Variants in CELSR3 observed in about 807,000 individuals in gnomAD.
The protein encoded by CELSR3 is EGF-like protein 1.
A neutral mutation model predicts 270.0 loss-of-function variants in CELSR3; 73 were observed. The observed-to-expected ratio is 0.27, with a 90% CI of 0.22 to 0.33. The LOEUF (loss-of-function observed/expected upper bound fraction) is 0.33, where lower values mean the gene tolerates loss of function less well. CELSR3 is among the 10% of genes least tolerant of loss of function. CELSR3 has a pLI of 1.00. For synonymous variants in CELSR3, 1,780 were observed against 1,905.4 expected, an observed-to-expected ratio of 0.93 and a Z score of 1.71; for missense variants, 3,614 against 4,533.8, an observed-to-expected ratio of 0.80 and a Z score of 5.83.
chr3:48,643,722 A>G (rs1467107676), intron 27 of CELSR3, 45 bp from the exon 28 acceptor site: 29 of 1,545,646 alleles, frequency 1.9e-5, no homozygotes, highest in Non-Finnish European at 2.5e-5. Context: ...TGCAAGGCTC[A>G]TGTAGGACTC....
In CELSR3 at chr3:48,661,796, C is replaced by G; in HGVS notation, c.839G>C (p.Gly280Ala). ...EPAPKRMRSR[G>A]LFRCRFLPQR... ...CGGGAGGAAGCGGCAGCGGAAGAGACCCCGGGAGCGCATGCGCTTGGGCGC... is the reference window on the plus strand; with the variant it reads ...CGGGAGGAAGCGGCAGCGGAAGAGAGCCCGGGAGCGCATGCGCTTGGGCGC... Residue 280 changes from glycine to alanine, a missense_variant, in exon 1 of 35, where the codon GGT becomes GCT. Transcript: ENST00000164024. The G allele has an allele frequency of 6.2e-7, 1 of 1,608,016 alleles. No homozygotes were observed. Among genetic ancestry groups the G allele is most frequent in the Non-Finnish European group, 8.5e-7 (1 of 1,178,876 alleles).
Position 48,651,281 on chromosome 3 carries a change from G to T in CELSR3, c.6186+78C>A, listed in dbSNP as rs1439367903. 1.3e-6 allele frequency: 2 copies of T among 1,587,562 alleles called. No individual in the cohort carries two copies. The highest frequency in any genetic ancestry group is 1.7e-6 in the Non-Finnish European group (2 of 1,163,014). ...GGCAAGAGGTTAGGGCCCAAGTCAGGTGGCGGAGGTCAGCAAGCTGGACAG... is the reference window on the plus strand; with the variant it reads ...GGCAAGAGGTTAGGGCCCAAGTCAGTTGGCGGAGGTCAGCAAGCTGGACAG... On this transcript the variant is annotated intron_variant, in intron 14 of 34. Coordinates refer to ENST00000164024, the MANE Select transcript of CELSR3 (RefSeq NM_001407.3). The surrounding 1 kb of genome is among the most constrained non-coding windows in gnomAD (Gnocchi z 7.4).
chr3:48,648,825 C>T lies in CELSR3; in HGVS notation c.6671G>A (p.Ser2224Asn). Residue 2224 changes from serine to asparagine, a missense_variant, in exon 18 of 35, where the codon AGC becomes AAC. Transcript: ENST00000164024. ...EVTGHTDHYF[S>N]QDVRVTARLL... ...GCGGGCAGTGACTCGAACATCTTGG[C>T]TAAAATAGTGGTCAGTGTGGCCAGT... is the stretch of plus-strand genomic sequence containing the variant. 1 of 1,612,960 alleles carries T rather than the reference C, an allele frequency of 6.2e-7. No individual in the cohort carries two copies. The highest frequency in any genetic ancestry group is 8.5e-7 in the Non-Finnish European group (1 of 1,180,006).
At chr3:48,643,904 T>C in intron 27 of CELSR3, 1 of 602,206 alleles carries the variant, frequency 1.7e-6, no homozygotes, top group East Asian at 2.8e-5. Context: ...CACAGGGGTA[T>C]GGGAGCCACA....
chr3:48,662,244 A>G lies in CELSR3; in HGVS notation c.391T>C (p.Ser131Pro). The change falls in exon 1 of 35, where the codon TCT (serine) becomes CCT (proline). Residue 131 changes from serine to proline, a missense_variant. Physicochemically the swap from Ser to Pro is moderately conservative, Grantham distance 74. Around this residue, in one of 7 missense-constraint regions of CELSR3, gnomAD observed 470 missense variants for 469.7 expected, o/e 1.00. Coordinates refer to ENST00000164024, the MANE Select transcript of CELSR3 (RefSeq NM_001407.3). The surrounding 1 kb of genome is among the most constrained non-coding windows in gnomAD (Gnocchi z 7.1). The part of the protein sequence containing the change: ...RERETGQGPG[S>P]VLYWRPEVSS... ...ACCTCTGGGCGCCAGTATAACACAG[A>G]CCCTGGTCCCTGTCCTGTCTCTCGT... 6.2e-7 allele frequency: 1 copy of G among 1,612,852 alleles called. No homozygotes were observed. The highest frequency in any genetic ancestry group is 8.5e-7 in the Non-Finnish European group (1 of 1,179,970).
At position 48,640,007 on chromosome 3, in the gene CELSR3, G is replaced by C. The variant is rs1458707939; in HGVS notation, c.9578C>G (p.Ser3193Cys). 1.9e-6 allele frequency: 3 copies of C among 1,612,230 alleles called. No homozygotes were observed. Among genetic ancestry groups the C allele is most frequent in the Middle Eastern group, 1.6e-4 (1 of 6,080 alleles). Residue 3193 changes from serine to cysteine, a missense_variant, in exon 34 of 35, where the codon TCT becomes TGT. Physicochemically the swap from Ser to Cys is moderately radical, Grantham distance 112 (BLOSUM62 -1). Around this residue, in one of 7 missense-constraint regions of CELSR3, gnomAD observed 1,240 missense variants for 1,351.7 expected, o/e 0.92. Coordinates refer to ENST00000164024, the MANE Select transcript of CELSR3 (RefSeq NM_001407.3). This position sits in a 1 kb window ranked among gnomAD's most constrained non-coding sequence, Gnocchi z 7.5. Reference protein sequence around the residue: ...DPLLPSRPLDSLSRSSNSREQ... With the variant: ...DPLLPSRPLDCLSRSSNSREQ... ...CCGAGAGTTCGAGCTCCTAGACAGA[G>C]AGTCCAGCGGCCGGGATGGCAAGAG... is the stretch of plus-strand genomic sequence containing the variant.
rs577859604 is a variant in CELSR3 at position 48,637,292 on chromosome 3, G to A, written c.*913C>T. 2.8e-4 allele frequency: 43 copies of A among 152,652 alleles called. No homozygotes were observed. Among genetic ancestry groups the A allele is most frequent in the African/African-American group, 1.0e-3 (43 of 41,520 alleles). 9.5% of individuals were successfully genotyped at this position (152,652 alleles called of 1,614,324 possible). On this transcript the variant is annotated 3_prime_UTR_variant, in exon 35 of 35. Transcript: ENST00000164024. The stretch of plus-strand genomic sequence containing the variant: ...AGGAGGCAGTGGCACCTACATTCTG[G>A]GTCTTGAATTCCCTTGTTTCTGCTC...
In CELSR3 at chr3:48,656,746, C is replaced by T. The variant is rs771102669; in HGVS notation, c.4351G>A (p.Ala1451Thr). The T allele has an allele frequency of 3.3e-6, 5 of 1,534,014 alleles. No individual in the cohort carries two copies. The South Asian group carries it at 5.1e-5, about 16-fold the overall frequency. The change falls in exon 2 of 35, where the codon GCG (alanine) becomes ACG (threonine). Residue 1451 changes from alanine (A) to threonine (T), a missense_variant. Ala to Thr is a moderately conservative substitution (Grantham distance 58). This residue lies in a region of CELSR3 where 1,331 missense variants were observed against 1,933.7 expected (regional missense o/e 0.69). Coordinates refer to ENST00000164024, the MANE Select transcript of CELSR3 (RefSeq NM_001407.3). ...CACGTGTAGCCTCCCTCGCGCCGCG[C>T]GCAGGCTCCGCCGTTGCGACATGGG... The part of the protein sequence containing the change: ...SNPCRNGGAC[A>T]RREGGYTCVC...
chr3:48,658,848 T>C lies in CELSR3; in HGVS notation c.3748+39A>G, dbSNP rs771418096. The stretch of plus-strand genomic sequence containing the variant: ...GTGGAGTCCCTGAGGCCCAACAGGT[T>C]GGTGTCACTGGGTCACTTGCCTGCC... On this transcript the variant is annotated intron_variant, in intron 1 of 34. Coordinates refer to ENST00000164024, the MANE Select transcript of CELSR3 (RefSeq NM_001407.3). This position sits in a 1 kb window ranked among gnomAD's most constrained non-coding sequence, Gnocchi z 4.7. 5 of 1,596,752 alleles carry C rather than the reference T, an allele frequency of 3.1e-6. No individual in the cohort carries two copies. The South Asian group carries it at 5.7e-5, about 18-fold the overall frequency.
Position 48,660,161 on chromosome 3 carries a change from C to T in CELSR3, c.2474G>A (p.Arg825His), listed in dbSNP as rs200848196. ...TGCAGTTAGTACCAGCTTGAAGTAGCGTTCCTGCTTGTAGTCCAGTGGCAG... is the reference window on the plus strand; with the variant it reads ...TGCAGTTAGTACCAGCTTGAAGTAGTGTTCCTGCTTGTAGTCCAGTGGCAG... ...LALPLDYKQERYFKLVLTASD... is the reference protein window; with the variant it reads ...LALPLDYKQEHYFKLVLTASD... Residue 825 changes from arginine (R) to histidine (H), a missense_variant, in exon 1 of 35, where the codon CGC (arginine) becomes CAC (histidine). By Grantham distance (29) the Arg-to-His change is conservative. Coordinates refer to ENST00000164024, the MANE Select transcript of CELSR3 (RefSeq NM_001407.3). The surrounding 1 kb of genome is among the most constrained non-coding windows in gnomAD (Gnocchi z 5.5). 1.2e-5 allele frequency: 19 copies of T among 1,614,028 alleles called. No individual in the cohort carries two copies. Among genetic ancestry groups the T allele is most frequent in the Middle Eastern group, 1.6e-4 (1 of 6,084 alleles).
rs1003235620 is a variant in CELSR3, at chr3:48,662,412, C to T, written c.223G>A (p.Gly75Arg). The stretch of plus-strand genomic sequence containing the variant: ...GGCTCCCTGACCCCCAGGCCAGGCC[C>T]CCCATCCTCCCGGACCCCGGAAGAC... ...PESSGVREDG[G>R]PGLGVREPIF... The change falls in exon 1 of 35, where the codon GGG becomes AGG. Residue 75 changes from glycine to arginine, a missense_variant. Physicochemically the swap from Gly to Arg is moderately radical, Grantham distance 125 (BLOSUM62 -2). Around this residue, in one of 7 missense-constraint regions of CELSR3, gnomAD observed 470 missense variants for 469.7 expected, o/e 1.00. Transcript: ENST00000164024. The surrounding 1 kb of genome is among the most constrained non-coding windows in gnomAD (Gnocchi z 7.1). The T allele has an allele frequency of 1.9e-6, 3 of 1,612,754 alleles. No individual in the cohort carries two copies. Among genetic ancestry groups the T allele is most frequent in the African/African-American group, 2.7e-5 (2 of 74,934 alleles).
Position 48,660,979 on chromosome 3 carries a change from C to A in CELSR3, c.1656G>T (p.Ala552=), listed in dbSNP as rs765388605. ...GGGGGCGCACATCCTCGCGCACCTG[C>A]GCCACGTAGCGCTTCTCGCTGAACT... The part of the protein sequence containing the change: ...APQFSEKRYV[A]QVREDVRPHT... Residue 552 remains alanine, a synonymous_variant, in exon 1 of 35, where the codon GCG becomes GCT. Coordinates refer to ENST00000164024, the MANE Select transcript of CELSR3 (RefSeq NM_001407.3). The surrounding 1 kb of genome is among the most constrained non-coding windows in gnomAD (Gnocchi z 5.5). 1 of 1,613,888 alleles carries A rather than the reference C, an allele frequency of 6.2e-7. No homozygotes were observed. Among genetic ancestry groups the A allele is most frequent in the Non-Finnish European group, 8.5e-7 (1 of 1,180,042 alleles).
rs1262642867 is a variant in CELSR3 at position 48,653,096 on chromosome 3, C to T, written c.5540G>A (p.Arg1847Gln). The T allele has an allele frequency of 8.1e-6, 13 of 1,613,344 alleles. No individual in the cohort carries two copies. The highest frequency in any genetic ancestry group is 1.7e-5 in the Admixed American group (1 of 60,028). Reference protein sequence around the residue: ...LLDQVTVSDGRWHDLRLELQE... With the variant: ...LLDQVTVSDGQWHDLRLELQE... The stretch of plus-strand genomic sequence containing the variant: ...CAACTCCAGCCGCAGATCGTGCCAC[C>T]GGCCATCACTGACAGTCACCTGGTC... Residue 1847 changes from arginine to glutamine, a missense_variant, in exon 10 of 35, where the codon CGG (arginine) becomes CAG (glutamine). Physicochemically the swap from Arg to Gln is conservative, Grantham distance 43 (BLOSUM62 1). Around this residue, in one of 7 missense-constraint regions of CELSR3, gnomAD observed 1,331 missense variants for 1,933.7 expected, o/e 0.69. Coordinates refer to ENST00000164024, the MANE Select transcript of CELSR3 (RefSeq NM_001407.3). This position sits in a 1 kb window ranked among gnomAD's most constrained non-coding sequence, Gnocchi z 6.5.
In CELSR3 at chr3:48,642,960, G is replaced by A. The variant is rs747964887; in HGVS notation, c.8406+7C>T. 57 of 1,610,754 alleles carry A rather than the reference G, an allele frequency of 3.5e-5. No homozygotes were observed. Among genetic ancestry groups the A allele is most frequent in the Admixed American group, 3.2e-4 (19 of 59,934 alleles). On this transcript the variant is annotated splice_region_variant and intron_variant, in intron 29 of 34. Transcript: ENST00000164024. This position sits in a 1 kb window ranked among gnomAD's most constrained non-coding sequence, Gnocchi z 6.1. ...TCTGGCTTCTCAGGGCCCCCATCCC[G>A]ACTCACCAGCCCAGGTGCTGGCCTT...
chr3:48,645,805 G>C lies in CELSR3; in HGVS notation c.7527C>G (p.His2509Gln). 1 of 1,611,842 alleles carries C rather than the reference G, an allele frequency of 6.2e-7. No individual in the cohort carries two copies. The highest frequency in any genetic ancestry group is 1.3e-5 in the African/African-American group (1 of 75,054). The change falls in exon 23 of 35, where the codon CAC becomes CAG. Residue 2509 changes from histidine to glutamine, a missense_variant. By Grantham distance (24) the His-to-Gln change is conservative (BLOSUM62 0). Coordinates refer to ENST00000164024, the MANE Select transcript of CELSR3 (RefSeq NM_001407.3). This position sits in a 1 kb window ranked among gnomAD's most constrained non-coding sequence, Gnocchi z 5.4. ...DCELVHRNGS[H>Q]ARCRCSRTGT... ...CTGTCCGGCTGCAGCGACACCGTGC[G>C]TGGGACCCATTCCTGTGCACCAGCT...
rs919997278 is a variant in CELSR3, at chr3:48,639,803, A to C, written c.9782T>G (p.Val3261Gly). 3.1e-6 allele frequency: 5 copies of C among 1,613,736 alleles called. No homozygotes were observed. The African/African-American group carries it at 6.7e-5, about 22-fold the overall frequency. The change falls in exon 34 of 35, where the codon GTG (valine) becomes GGG (glycine). Residue 3261 changes from valine to glycine, a missense_variant. By Grantham distance (109) the Val-to-Gly change is moderately radical. Around this residue, in one of 7 missense-constraint regions of CELSR3, gnomAD observed 1,240 missense variants for 1,351.7 expected, o/e 0.92. Transcript: ENST00000164024. This position sits in a 1 kb window ranked among gnomAD's most constrained non-coding sequence, Gnocchi z 4.1. The part of the protein sequence containing the change: ...ASFNSSALSS[V>G]QSSSTPLGPH... Reference sequence around the variant, plus strand: ...GCCCAAGGGTGTGCTTGAAGATTGCACAGAGGAGAGGGCCGAGGAGTTGAA... The same window carrying C: ...GCCCAAGGGTGTGCTTGAAGATTGCCCAGAGGAGAGGGCCGAGGAGTTGAA...
rs758291836 is a variant in CELSR3 at position 48,646,941 on chromosome 3, AAGG to A, written c.7130-16_7130-14del. Reference sequence around the variant, plus strand: ...CTTGTGGGCAGAACTGCCAGGAGAGAAGGAGGAGCTTCTGTCAGTGACCTTTGA... The same window carrying A: ...CTTGTGGGCAGAACTGCCAGGAGAGAAGGAGCTTCTGTCAGTGACCTTTGA... On this transcript the variant is annotated splice_polypyrimidine_tract_variant and intron_variant, in intron 20 of 34. Coordinates refer to ENST00000164024, the MANE Select transcript of CELSR3 (RefSeq NM_001407.3). This position sits in a 1 kb window ranked among gnomAD's most constrained non-coding sequence, Gnocchi z 4.8. 8.5e-5 allele frequency: 129 copies of A among 1,510,120 alleles called. 2 individuals are homozygous for A. In the South Asian group the frequency reaches 1.2e-3, roughly 14 times the overall value. 93.5% of individuals were successfully genotyped at this position (1,510,120 alleles called of 1,614,324 possible). A position where few individuals can be genotyped will look rare whatever the true frequency, so the allele number is the denominator to read the frequency against.
chr3:48,661,901 A>G lies in CELSR3; in HGVS notation c.734T>C (p.Leu245Pro), dbSNP rs1444844702. 2 of 1,612,262 alleles carry G rather than the reference A, an allele frequency of 1.2e-6. No homozygotes were observed. Among genetic ancestry groups the G allele is most frequent in the Admixed American group, 1.7e-5 (1 of 60,006 alleles). The change falls in exon 1 of 35, where the codon CTG (leucine) becomes CCG (proline). Residue 245 changes from leucine (L) to proline (P), a missense_variant. By Grantham distance (98) the Leu-to-Pro change is moderately conservative. Coordinates refer to ENST00000164024, the MANE Select transcript of CELSR3 (RefSeq NM_001407.3). ...LPGASGSGPE[L>P]DSAPRTARTA... The stretch of plus-strand genomic sequence containing the variant: ...CCTCGCCGTGCGTGGTGCTGAATCC[A>G]GCTCGGGGCCAGATCCCGAGGCCCC...
chr3:48,645,522 C>T lies in CELSR3; in HGVS notation c.7718G>A (p.Gly2573Glu), dbSNP rs932871992. 5 of 1,612,790 alleles carry T rather than the reference C, an allele frequency of 3.1e-6. No homozygotes were observed. The highest frequency in any genetic ancestry group is 2.2e-5 in the South Asian group (2 of 91,084). ...GGCGGCTGCCACATTGGCATGGATC[C>T]CACGCACATTGGACTTGAGGCTGCG... ...SLRSLKSNVR[G>E]IHANVAAALG... The change falls in exon 24 of 35, where the codon GGG becomes GAG. Residue 2573 changes from glycine (G) to glutamate (E), a missense_variant. By Grantham distance (98) the Gly-to-Glu change is moderately conservative. Transcript: ENST00000164024. The surrounding 1 kb of genome is among the most constrained non-coding windows in gnomAD (Gnocchi z 5.4).
Sources: gnomAD v4.1 joint callset for allele counts on GRCh38, gnomAD v4.1.1 for gene constraint, gnomAD v4.1.1 regional missense constraint, Gnocchi (gnomAD v3.1) non-coding constraint, MANE v1.5 for transcripts, NCBI Gene and HGNC (gene_info 2026-07-23, HGNC 2026-07-21) for gene names.